The following GJA1 variants were observed in gnomAD, a reference collection of about 807,000 sequenced individuals.
GJA1 encodes gap junction protein alpha 1.
Under a neutral mutation model 31.0 loss-of-function variants are expected in GJA1, and 9 were observed. The observed-to-expected ratio is 0.29, with a 90% CI of 0.17 to 0.51. GJA1 has a LOEUF of 0.51. GJA1 is among the 20% of genes least tolerant of loss of function. The probability of loss-of-function intolerance (pLI) is 0.98; values close to 1 mark genes in which losing one functional copy is unlikely to be tolerated. For missense variants in GJA1, 278 were observed against 468.8 expected (o/e 0.59, Z 3.76); for synonymous variants, 186 against 180.1 (o/e 1.03, Z -0.26).
At chr6:121,445,310 T>C (rs1773869005) in intron 1 of GJA1, among the ~76,000 whole-genome samples, 1 of 152,176 alleles carries the variant, frequency 6.6e-6, no homozygotes, top group Non-Finnish European at 1.5e-5. Flanking sequence ...CACACCTGGC[T>C]AATTTCTTGT....
At chr6:121,436,326 T>TCTCAGCCA (rs1773663316) in intron 1 of GJA1, among the ~76,000 whole-genome samples, 7 of 152,168 alleles carry the variant, frequency 4.6e-5, no homozygotes. Context: ...GAAATCTTGA[T>TCTCAGCCA]TGATGTTCTA....
chr6:121,437,340 C>A (rs1333864374), intron 1 of GJA1, among the ~76,000 whole-genome samples: 1 of 151,142 alleles, frequency 6.6e-6, no homozygotes, highest in East Asian at 2.0e-4. Flanking sequence ...TTTCCCATCC[C>A]TCTCACACCA....
intron 1 of GJA1, among the ~76,000 whole-genome samples, chr6:121,444,128 C>T (rs760902864): frequency 1.4e-4 from 22 of 152,064 alleles, no homozygotes; most frequent in Non-Finnish European, 2.6e-4. Flanking sequence ...TAAATTACTC[C>T]CTCACTTCAA....
intron 1 of GJA1, among the ~76,000 whole-genome samples, chr6:121,443,155 G>A (rs1773825323): frequency 6.6e-6 from 1 of 152,050 alleles, no homozygotes; most frequent in East Asian, 1.9e-4. Context: ...TACCATACAA[G>A]ACTTGGAAAA....
At chr6:121,441,203 C>T (rs1370640154) in intron 1 of GJA1, among the ~76,000 whole-genome samples, 1 of 152,126 alleles carries the variant, frequency 6.6e-6, no homozygotes, top group Non-Finnish European at 1.5e-5. Context: ...CCGCCCGCCT[C>T]GGCCTCCCAA....
At chr6:121,446,639 A>G (rs1306568278) in intron 1 of GJA1, among the ~76,000 whole-genome samples, 193 bp from the exon 2 acceptor site, 2 of 152,238 alleles carry the variant, frequency 1.3e-5, no homozygotes, top group East Asian at 3.8e-4. Context: ...AACAAACAAA[A>G]CAAAACACTT....
intron 1 of GJA1, among the ~76,000 whole-genome samples, chr6:121,440,245 A>T (rs1773747155): frequency 6.6e-6 from 1 of 151,990 alleles, no homozygotes; most frequent in Non-Finnish European, 1.5e-5. Flanking sequence ...CTTAACCTGC[A>T]ACAACCTAAC....
chr6:121,443,298 T>C (rs1426887560), intron 1 of GJA1, among the ~76,000 whole-genome samples: 2 of 152,198 alleles, frequency 1.3e-5, no homozygotes, highest in Admixed American at 1.3e-4. Context: ...TGGGCAGCTG[T>C]CACATTAAAC....
rs767640792 is a variant in GJA1, at chr6:121,443,250, TA to T, written c.-16-3581del. On this transcript the variant is annotated intron_variant, in intron 1 of 1. Transcript: ENST00000282561. ...TTTGATTCATGGCAAAGTGAGCAAC[TA>T]CCAAAAAAAAAGGGAACAATTTTTG... 4.9e-4 allele frequency among the ~76,000 whole-genome samples: 74 copies of T among 151,726 alleles called. 1 individual carries two copies. Among genetic ancestry groups the T allele is most frequent in the South Asian group, 1.0e-3 (5 of 4,824 alleles).
chr6:121,444,114 C>T (rs1207748401), intron 1 of GJA1, among the ~76,000 whole-genome samples: 1 of 152,120 alleles, frequency 6.6e-6, no homozygotes, highest in Non-Finnish European at 1.5e-5. Context: ...CTGTCCATCA[C>T]GGCTAAATTA....
At chr6:121,443,864 AT>A (rs1688703214) in intron 1 of GJA1, among the ~76,000 whole-genome samples, 1 of 152,026 alleles carries the variant, frequency 6.6e-6, no homozygotes, top group South Asian at 2.1e-4. Context: ...TGTTTTTGTT[AT>A]TTTTCCCCTA....
rs756053951 is a variant in GJA1 at position 121,446,950 on chromosome 6, C to T, written c.103C>T (p.Leu35=). ...WLSVLFIFRI[L]LLGTAVESAW... ...GTCAGTACTTTTCATTTTCCGAATC[C>T]TGCTGCTGGGGACAGCGGTTGAGTC... The change falls in exon 2 of 2, where the codon CTG becomes TTG. Residue 35 remains leucine (L), a synonymous_variant. Coordinates refer to ENST00000282561, the MANE Select transcript of GJA1 (RefSeq NM_000165.5). 29 of 1,614,004 alleles carry T rather than the reference C, an allele frequency of 1.8e-5. No homozygotes were observed. Among genetic ancestry groups the T allele is most frequent in the Non-Finnish European group, 2.5e-5 (29 of 1,179,966 alleles).
chr6:121,441,199 G>T (rs186382249), intron 1 of GJA1, among the ~76,000 whole-genome samples: 2 of 152,030 alleles, frequency 1.3e-5, no homozygotes, highest in African/African-American at 4.8e-5. Context: ...TGATCCGCCC[G>T]CCTCGGCCTC....
At chr6:121,441,004 G>A (rs987909120) in intron 1 of GJA1, among the ~76,000 whole-genome samples, 2 of 151,520 alleles carry the variant, frequency 1.3e-5, no homozygotes, top group Non-Finnish European at 2.9e-5. Context: ...GTGCAGTGGC[G>A]CGATCCCGGC....
At chr6:121,442,357 A>G (rs910342042) in intron 1 of GJA1, among the ~76,000 whole-genome samples, 1 of 152,244 alleles carries the variant, frequency 6.6e-6, no homozygotes, top group African/African-American at 2.4e-5. Context: ...AATGTAATTT[A>G]AAATCAAAGC....
rs910701778 is a variant in GJA1 at position 121,449,228 on chromosome 6, A to T, written c.*1232A>T. On this transcript the variant is annotated 3_prime_UTR_variant, in exon 2 of 2. Coordinates refer to ENST00000282561, the MANE Select transcript of GJA1 (RefSeq NM_000165.5). Reference sequence around the variant, plus strand: ...CATTAATGTGAGAGACTTAGAAAAAATGCTTAGAGTGGACTATTAAATGTG... The same window carrying T: ...CATTAATGTGAGAGACTTAGAAAAATTGCTTAGAGTGGACTATTAAATGTG... 5 of 167,096 alleles carry T rather than the reference A, an allele frequency of 3.0e-5. No homozygotes were observed. Among genetic ancestry groups the T allele is most frequent in the African/African-American group, 1.2e-4 (5 of 41,452 alleles). The allele number at this position is 167,096 out of a possible 1,614,324, so 10.4% of individuals were successfully genotyped here. A position where few individuals can be genotyped will look rare whatever the true frequency, so the allele number is the denominator to read the frequency against.
chr6:121,440,633 G>GA (rs201353339), intron 1 of GJA1, among the ~76,000 whole-genome samples: 4 of 146,386 alleles, frequency 2.7e-5, no homozygotes, highest in African/African-American at 7.7e-5. Context: ...CAAAGAGACA[G>GA]AAAAAAACAA....
chr6:121,447,537 T>C lies in GJA1; in HGVS notation c.690T>C (p.Tyr230=), dbSNP rs775689247. 1.1e-5 allele frequency: 18 copies of C among 1,613,802 alleles called. No individual in the cohort carries two copies. Among genetic ancestry groups the C allele is most frequent in the South Asian group, 4.4e-5 (4 of 91,084 alleles). ...SLALNIIELF[Y]VFFKGVKDRV... ...CCTTGAATATCATTGAACTCTTCTA[T>C]GTTTTCTTCAAGGGCGTTAAGGATC... Residue 230 remains tyrosine (Y), a synonymous_variant, in exon 2 of 2, where the codon TAT becomes TAC. Transcript: ENST00000282561.
intron 1 of GJA1, among the ~76,000 whole-genome samples, chr6:121,446,307 C>G (rs182057235): frequency 6.7e-6 from 1 of 150,210 alleles, no homozygotes; most frequent in African/African-American, 2.5e-5. Flanking sequence ...AAAAAAAAAT[C>G]TTTCAGAGTG....
Sources: allele counts gnomAD v4.1 joint callset (sites outside exome capture counted in the v4.1 genomes callset), GRCh38; gene constraint gnomAD v4.1.1; transcripts MANE v1.5; gene names NCBI Gene and HGNC (gene_info 2026-07-23, HGNC 2026-07-21).